CSRNP3: variants seen among roughly 807,000 people sequenced by gnomAD.
The protein encoded by CSRNP3 is cysteine and serine rich nuclear protein 3.
Under a neutral mutation model 48.0 loss-of-function variants are expected in CSRNP3, and 12 were observed. The observed-to-expected ratio is 0.25, with a 90% CI of 0.16 to 0.41. The LOEUF is 0.41. CSRNP3 is among the 10% of genes least tolerant of loss of function. CSRNP3 has a pLI of 1.00. For missense variants in CSRNP3, 580 were observed against 724.4 expected (o/e 0.80, Z 2.29); for synonymous variants, 263 against 269.7 (o/e 0.98, Z 0.24).
intron 4 of CSRNP3, among the ~76,000 whole-genome samples, chr2:165,615,510 T>C (rs1187737502): frequency 1.3e-5 from 2 of 150,802 alleles, no homozygotes; most frequent in Non-Finnish European, 2.9e-5. Context: ...GCCACTGCAC[T>C]CTAGCCTCGG....
chr2:165,475,851 C>A (rs1025335499), intron 1 of CSRNP3, among the ~76,000 whole-genome samples: 2 of 152,164 alleles, frequency 1.3e-5, no homozygotes, highest in African/African-American at 4.8e-5. Flanking sequence ...GCTATCTGTG[C>A]TCTCCTACAT....
Position 165,519,130 on chromosome 2 carries a change from T to A in CSRNP3, c.-24+1169T>A, listed in dbSNP as rs1684617938. On this transcript the variant is annotated intron_variant, in intron 3 of 6. Transcript: ENST00000651982. ...AACCCACACCCAAATGATTTTTTTA[T>A]TAAATTAGCTCTTGAAGTATAAAAC... is the stretch of plus-strand genomic sequence containing the variant. Among the ~76,000 whole-genome samples the A allele has an allele frequency of 2.6e-5, 4 of 152,174 alleles. No homozygotes were observed. The South Asian group carries it at 6.2e-4, about 24-fold the overall frequency.
At chr2:165,650,440 C>CAT (rs1258091438) in intron 4 of CSRNP3, among the ~76,000 whole-genome samples, 1 of 152,164 alleles carries the variant, frequency 6.6e-6, no homozygotes, top group African/African-American at 2.4e-5. Context: ...AAGCTTTGAG[C>CAT]ATATGATCAC....
At chr2:165,482,179 G>T (rs71426767) in intron 1 of CSRNP3, among the ~76,000 whole-genome samples, 11,171 of 152,118 alleles carry the variant, frequency 0.073, 470 homozygotes, top group Middle Eastern at 0.22. Context: ...TTGCTCAAGA[G>T]ATCCTATTCA....
intron 3 of CSRNP3, among the ~76,000 whole-genome samples, chr2:165,565,734 G>T (rs1486625381): frequency 6.6e-6 from 1 of 151,994 alleles, no homozygotes. Flanking sequence ...TTTGCCTAAA[G>T]GAGAAATCTA....
chr2:165,646,250 G>T (rs930687683), intron 4 of CSRNP3, among the ~76,000 whole-genome samples: 5 of 152,030 alleles, frequency 3.3e-5, no homozygotes, highest in Non-Finnish European at 7.4e-5. Flanking sequence ...TCAAGTATGT[G>T]GTTTTGGGCC....
At position 165,681,470 on chromosome 2, in the gene CSRNP3, C is replaced by T. The variant is rs866026295; in HGVS notation, c.*1717C>T. 1 of 151,478 alleles carries T rather than the reference C, an allele frequency of 6.6e-6. No homozygotes were observed. The highest frequency in any genetic ancestry group is 2.4e-5 in the African/African-American group (1 of 41,220). 9.4% of individuals were successfully genotyped at this position (151,478 alleles called of 1,614,324 possible). ...AAAAATGCTTGATCTAGAGAAAGTC[C>T]TCCAGTGGAAAAGTTTCTACTAAAC... On this transcript the variant is annotated 3_prime_UTR_variant, in exon 7 of 7. Transcript: ENST00000651982.
chr2:165,527,566 CAT>C (rs1684753833), intron 3 of CSRNP3, among the ~76,000 whole-genome samples: 1 of 151,774 alleles, frequency 6.6e-6, no homozygotes, highest in Non-Finnish European at 1.5e-5. Context: ...TATGTACACA[CAT>C]ATAAATATCA....
chr2:165,567,090 A>G (rs546213990), intron 3 of CSRNP3: 1 of 152,086 alleles, frequency 6.6e-6, no homozygotes, highest in East Asian at 1.9e-4. Context: ...TGGTGCAACC[A>G]ATAATAGGAT....
intron 3 of CSRNP3, among the ~76,000 whole-genome samples, chr2:165,542,531 T>C (rs1684972146): frequency 6.6e-6 from 1 of 152,172 alleles, no homozygotes; most frequent in Non-Finnish European, 1.5e-5. Context: ...ACCTTCACTA[T>C]ATCATGAAAA....
intron 3 of CSRNP3, among the ~76,000 whole-genome samples, chr2:165,543,095 G>A (rs1214531329): frequency 2.0e-5 from 3 of 152,088 alleles, no homozygotes; most frequent in South Asian, 4.1e-4. Context: ...TTCCTGGGAT[G>A]GCTGAAGTAT....
At chr2:165,628,406 C>T (rs538296058) in intron 4 of CSRNP3, among the ~76,000 whole-genome samples, 1 of 152,254 alleles carries the variant, frequency 6.6e-6, no homozygotes, top group East Asian at 1.9e-4. Flanking sequence ...ACTAGTGGTT[C>T]TCAAAGTATA....
intron 4 of CSRNP3, among the ~76,000 whole-genome samples, chr2:165,642,428 G>T (rs1686737660): frequency 6.6e-6 from 1 of 152,118 alleles, no homozygotes; most frequent in South Asian, 2.1e-4. Flanking sequence ...TTTGAATTTT[G>T]CTTTCACATA....
intron 5 of CSRNP3, among the ~76,000 whole-genome samples, chr2:165,666,769 GAA>G (rs1460110845): frequency 7.1e-6 from 1 of 141,066 alleles, no homozygotes; most frequent in Admixed American, 7.3e-5. Flanking sequence ...GAGGAAGAAA[GAA>G]AGAGAAAGGA....
At chr2:165,650,353 T>C (rs1317584045) in intron 4 of CSRNP3, among the ~76,000 whole-genome samples, 1 of 152,222 alleles carries the variant, frequency 6.6e-6, no homozygotes, top group Admixed American at 6.5e-5. Context: ...GACCCATTTT[T>C]ACTTGGTTAA....
At chr2:165,592,994 G>C (rs113860637) in intron 3 of CSRNP3, among the ~76,000 whole-genome samples, 21 of 151,148 alleles carry the variant, frequency 1.4e-4, no homozygotes, top group African/African-American at 5.1e-4. Flanking sequence ...GTAGAGACGG[G>C]GTTTCACCGT....
At chr2:165,619,741 A>T (rs1360494832) in intron 4 of CSRNP3, among the ~76,000 whole-genome samples, 2 of 152,192 alleles carry the variant, frequency 1.3e-5, no homozygotes, top group Non-Finnish European at 2.9e-5. Flanking sequence ...AGTCAGTCTG[A>T]CAAAGATAAT....
chr2:165,657,677 T>A, intron 4 of CSRNP3, 84 bp from the exon 5 acceptor site: 4 of 1,532,890 alleles, frequency 2.6e-6, no homozygotes, highest in Non-Finnish European at 3.6e-6. Flanking sequence ...ACAGATAGAT[T>A]CAAGATCACC....
chr2:165,469,871 C>A (rs1339730773), intron 1 of CSRNP3, 131 bp downstream of exon 1: 1 of 152,004 alleles, frequency 6.6e-6, no homozygotes, highest in African/African-American at 2.4e-5. Context: ...AAGTGTGTCC[C>A]TTTTATTACT....
Sources: allele counts gnomAD v4.1 joint callset (sites outside exome capture counted in the v4.1 genomes callset), GRCh38; gene constraint gnomAD v4.1.1; transcripts MANE v1.5; gene names NCBI Gene and HGNC (gene_info 2026-07-23, HGNC 2026-07-21).